Variants in CNTNAP2 observed in about 807,000 individuals in gnomAD.
CNTNAP2 encodes contactin-associated protein-like 2.
In CNTNAP2, 98 loss-of-function variants were observed where a neutral mutation model predicts 155.2. That is an observed-to-expected ratio of 0.63 (90% confidence interval 0.54 to 0.75). CNTNAP2 has a LOEUF of 0.75. CNTNAP2 is among the 30% of genes least tolerant of loss of function. CNTNAP2 has a pLI of 0.00. For synonymous variants in CNTNAP2, 651 were observed against 631.2 expected, an observed-to-expected ratio of 1.03 and a Z score of -0.47; for missense variants, 1,727 against 1,688.1, an observed-to-expected ratio of 1.02 and a Z score of -0.40.
intron 1 of CNTNAP2, among the ~76,000 whole-genome samples, chr7:146,230,795 C>T (rs368083888): frequency 1.3e-5 from 2 of 152,172 alleles, no homozygotes; most frequent in East Asian, 1.9e-4. Flanking sequence ...GCAGGTGGAC[C>T]GCTTGAGTCA....
chr7:147,002,944 CAAAAAAAAAAAAAA>C lies in CNTNAP2; in HGVS notation c.403-40953_403-40940del, dbSNP rs773401142. On this transcript the variant is annotated intron_variant, in intron 3 of 23. Transcript: ENST00000361727. ...CAGAACATAGCAAGGATGTTCCTTC[CAAAAAAAAAAAAAA>C]AAAAAAAAAGAAGAAGCAGCAAACT... Among the ~76,000 whole-genome samples, 174 of 52,946 alleles carry C rather than the reference CAAAAAAAAAAAAAA, an allele frequency of 3.3e-3. 3 individuals are homozygous for C. In the East Asian group the frequency reaches 0.08, roughly 24 times the overall value. The allele number at this position is 52,946 out of a possible 152,430, so 34.7% of individuals were successfully genotyped here. A position where few individuals can be genotyped will look rare whatever the true frequency, so the allele number is the denominator to read the frequency against.
chr7:148,353,166 C>A (rs6464876), intron 21 of CNTNAP2, among the ~76,000 whole-genome samples: 1 of 152,064 alleles, frequency 6.6e-6, no homozygotes, highest in Non-Finnish European at 1.5e-5. Context: ...GTTTGGGGAC[C>A]ATTTTCACAA....
At chr7:147,898,482 G>A (rs1043806378) in intron 13 of CNTNAP2, among the ~76,000 whole-genome samples, 3 of 152,062 alleles carry the variant, frequency 2.0e-5, no homozygotes, top group Non-Finnish European at 4.4e-5. Context: ...CCAAGAGGGT[G>A]GATGAGTTAT....
At chr7:148,142,621 T>C (rs567092953) in intron 16 of CNTNAP2, among the ~76,000 whole-genome samples, 7 of 152,348 alleles carry the variant, frequency 4.6e-5, no homozygotes, top group African/African-American at 1.7e-4. Context: ...ATGCTCATGC[T>C]ATATAACTTT....
chr7:146,412,915 G>T (rs1243037877), intron 1 of CNTNAP2, among the ~76,000 whole-genome samples: 1 of 152,096 alleles, frequency 6.6e-6, no homozygotes, highest in Non-Finnish European at 1.5e-5. Flanking sequence ...TCATGAAAAT[G>T]GATACATTTT....
intron 3 of CNTNAP2, among the ~76,000 whole-genome samples, chr7:146,882,602 C>T (rs1795575631): frequency 6.6e-6 from 1 of 152,092 alleles, no homozygotes; most frequent in Non-Finnish European, 1.5e-5. Flanking sequence ...GAGGCCTCCC[C>T]AGCCATGCAG....
At chr7:147,217,295 A>T (rs1192200019) in intron 8 of CNTNAP2, among the ~76,000 whole-genome samples, 3 of 151,736 alleles carry the variant, frequency 2.0e-5, no homozygotes, top group African/African-American at 4.8e-5. Context: ...TTTTTTGTAG[A>T]TATTCTTTTT....
At chr7:147,997,383 G>A (rs1285907686) in intron 15 of CNTNAP2, among the ~76,000 whole-genome samples, 2 of 151,892 alleles carry the variant, frequency 1.3e-5, no homozygotes, top group African/African-American at 4.8e-5. Context: ...GAGAAACCCC[G>A]TCTCTATTTA....
At position 147,758,866 on chromosome 7, in the gene CNTNAP2, A is replaced by G. The variant is rs562941054; in HGVS notation, c.2098+119560A>G. 2.7e-4 allele frequency among the ~76,000 whole-genome samples: 41 copies of G among 152,278 alleles called. 2 individuals carry two copies. The South Asian group carries it at 7.9e-3, about 29-fold the overall frequency. ...TCTCAAAAAATAAGTAAGTAAGTAA[A>G]TAAATAAATAAAATTTTACTTCTAG... On this transcript the variant is annotated intron_variant, in intron 13 of 23. Transcript: ENST00000361727.
intron 1 of CNTNAP2, among the ~76,000 whole-genome samples, chr7:146,211,478 A>G (rs918973249): frequency 5.9e-5 from 9 of 152,128 alleles, no homozygotes; most frequent in African/African-American, 2.2e-4. Flanking sequence ...TGTATTTTTA[A>G]TATTTTCCTT....
chr7:146,325,080 G>C (rs975646550), intron 1 of CNTNAP2, among the ~76,000 whole-genome samples: 1 of 151,926 alleles, frequency 6.6e-6, no homozygotes, highest in African/African-American at 2.4e-5. Flanking sequence ...AACCACAGGT[G>C]CACACTACTA....
At chr7:147,025,289 AGAAAG>A (rs1333419792) in intron 3 of CNTNAP2, among the ~76,000 whole-genome samples, 10 of 109,692 alleles carry the variant, frequency 9.1e-5, no homozygotes, top group African/African-American at 2.9e-4. Flanking sequence ...CTGTAAGAAA[AGAAAG>A]GAAAGGATAG....
intron 8 of CNTNAP2, among the ~76,000 whole-genome samples, chr7:147,139,375 C>G (rs992179328): frequency 3.3e-5 from 5 of 151,882 alleles, no homozygotes; most frequent in African/African-American, 9.7e-5. Flanking sequence ...TTTGCAATTG[C>G]GTGTCTAATT....
intron 21 of CNTNAP2, among the ~76,000 whole-genome samples, chr7:148,285,550 C>T (rs761878635): frequency 2.6e-5 from 4 of 152,238 alleles, no homozygotes; most frequent in Non-Finnish European, 4.4e-5. Context: ...ATGTTGAATG[C>T]CTTCCAAGTG....
intron 1 of CNTNAP2, among the ~76,000 whole-genome samples, chr7:146,530,815 C>T (rs986425421): frequency 6.6e-6 from 1 of 152,202 alleles, no homozygotes; most frequent in Non-Finnish European, 1.5e-5. Context: ...AGTAGTTTGA[C>T]GGTTTCTCAA....
chr7:146,874,303 A>G (rs955892771), intron 3 of CNTNAP2, among the ~76,000 whole-genome samples: 1 of 152,110 alleles, frequency 6.6e-6, no homozygotes, highest in African/African-American at 2.4e-5. Context: ...GTCTAGATAA[A>G]CAAAAGAAAT....
intron 13 of CNTNAP2, among the ~76,000 whole-genome samples, chr7:147,809,502 G>T (rs1798147750): frequency 6.6e-6 from 1 of 152,178 alleles, no homozygotes; most frequent in Non-Finnish European, 1.5e-5. Context: ...CATCCCCCAT[G>T]AGTAGCATCA....
chr7:147,974,509 C>A (rs796906275), intron 14 of CNTNAP2, among the ~76,000 whole-genome samples: 22 of 152,236 alleles, frequency 1.4e-4, no homozygotes, highest in African/African-American at 4.8e-4. Context: ...CCTGTAATCC[C>A]AGCTACTAGG....
intron 13 of CNTNAP2, among the ~76,000 whole-genome samples, chr7:147,658,026 G>A (rs576418022): frequency 6.7e-6 from 1 of 148,238 alleles, no homozygotes; most frequent in East Asian, 2.0e-4. Flanking sequence ...GGAGGCCGAG[G>A]CGGGCGGATC....
Sources: gnomAD v4.1 joint callset for allele counts (sites outside exome capture counted in the v4.1 genomes callset) on GRCh38, gnomAD v4.1.1 for gene constraint, MANE v1.5 for transcripts, NCBI Gene and HGNC (gene_info 2026-07-23, HGNC 2026-07-21) for gene names.